Variants in FGF1 observed in about 807,000 individuals in gnomAD.
The protein encoded by FGF1 is beta-endothelial cell growth factor.
In FGF1, 9 loss-of-function variants were observed where a neutral mutation model predicts 13.4. That is an observed-to-expected ratio of 0.67 (90% CI 0.40 to 1.17). The LOEUF (loss-of-function observed/expected upper bound fraction) is 1.17, where lower values mean the gene tolerates loss of function less well. FGF1 is among the 50% of genes most tolerant of loss of function. The pLI, the probability that FGF1 is intolerant of heterozygous loss-of-function variation, is 0.01. For missense variants in FGF1, 156 were observed against 192.7 expected (o/e 0.81, Z 1.13); for synonymous variants, 93 against 79.0 (o/e 1.18, Z -0.94).
chr5:142,647,400 A>G (rs1393681743), intron 1 of FGF1, among the ~76,000 whole-genome samples: 2 of 152,138 alleles, frequency 1.3e-5, no homozygotes, highest in Non-Finnish European at 2.9e-5. Context: ...CCTTCTGTTG[A>G]GCTGCTATAT....
chr5:142,623,068 A>G (rs777676789), intron 1 of FGF1, among the ~76,000 whole-genome samples: 19 of 152,262 alleles, frequency 1.2e-4, no homozygotes, highest in Non-Finnish European at 1.6e-4. Flanking sequence ...GAGTATTTAT[A>G]TCATAGAAAT....
intron 2 of FGF1, among the ~76,000 whole-genome samples, chr5:142,605,629 C>T (rs994668553): frequency 5.9e-5 from 9 of 152,104 alleles, no homozygotes; most frequent in East Asian, 5.8e-4. Flanking sequence ...CCATGAGTCC[C>T]GACACCAGGT....
In FGF1 at chr5:142,594,861, G is replaced by A. The variant is rs1350673168; in HGVS notation, c.*429C>T. The A allele has an allele frequency of 6.5e-6, 1 of 154,582 alleles. No homozygotes were observed. The highest frequency in any genetic ancestry group is 1.4e-5 in the Non-Finnish European group (1 of 69,830). The allele number at this position is 154,582 out of a possible 1,614,324, so 9.6% of individuals were successfully genotyped here. ...TGAAGCTTCTTTGCTAATATTTGCA[G>A]GGCACAGGAAGGACAAAAGGGAGCC... On this transcript the variant is annotated 3_prime_UTR_variant, in exon 4 of 4. Transcript: ENST00000337706.
intron 1 of FGF1, among the ~76,000 whole-genome samples, chr5:142,632,249 A>G (rs1300891240): frequency 2.0e-5 from 3 of 152,214 alleles, no homozygotes; most frequent in Non-Finnish European, 4.4e-5. Flanking sequence ...AAGAGAGAAG[A>G]GCAGTTCTTC....
intron 1 of FGF1, among the ~76,000 whole-genome samples, chr5:142,663,054 G>A (rs1011363305): frequency 6.6e-6 from 1 of 152,012 alleles, no homozygotes; most frequent in East Asian, 1.9e-4. Context: ...GAACTCCTGG[G>A]CTTAAACAAT....
At chr5:142,599,008 T>C (rs373591435) in intron 3 of FGF1, among the ~76,000 whole-genome samples, 12 of 152,216 alleles carry the variant, frequency 7.9e-5, no homozygotes, top group East Asian at 3.9e-4. Flanking sequence ...CAGCCACCAC[T>C]GGTCTGTGAC....
chr5:142,694,530 C>T (rs1916999), intron 2 of FGF1, among the ~76,000 whole-genome samples: 69,769 of 152,028 alleles, frequency 0.46, 19,939 homozygotes, highest in African/African-American at 0.82. Context: ...TGTGGGGGCA[C>T]AGATGGTACA....
At chr5:142,667,551 A>T (rs914058601) in intron 1 of FGF1, among the ~76,000 whole-genome samples, 1 of 148,824 alleles carries the variant, frequency 6.7e-6, no homozygotes, top group East Asian at 2.0e-4. Context: ...GGGCCACTGC[A>T]CTCCAGCCTG....
intron 1 of FGF1, among the ~76,000 whole-genome samples, chr5:142,655,102 G>C (rs945359557): frequency 6.6e-6 from 1 of 152,196 alleles, no homozygotes; most frequent in Non-Finnish European, 1.5e-5. Flanking sequence ...AGGACCGAAT[G>C]GTGCCTTTCA....
upstream of FGF1, among the ~76,000 whole-genome samples, chr5:142,686,669 G>A (rs9324894): frequency 0.076 from 11,517 of 151,976 alleles, 767 homozygotes; most frequent in African/African-American, 0.17. Flanking sequence ...GTGTGGCAAC[G>A]TGTATGTGTG....
At chr5:142,648,096 A>T (rs1052880109) in intron 1 of FGF1, among the ~76,000 whole-genome samples, 1 of 152,154 alleles carries the variant, frequency 6.6e-6, no homozygotes, top group Admixed American at 6.5e-5. Flanking sequence ...AAACAACAAC[A>T]ACAACAACAA....
chr5:142,617,324 C>A (rs915847093), intron 1 of FGF1, among the ~76,000 whole-genome samples: 1 of 151,910 alleles, frequency 6.6e-6, no homozygotes, highest in Non-Finnish European at 1.5e-5. Flanking sequence ...AAGATTGCGC[C>A]GTTGCACCCC....
At chr5:142,632,945 G>A (rs1003288080) in intron 1 of FGF1, among the ~76,000 whole-genome samples, 8 of 148,972 alleles carry the variant, frequency 5.4e-5, no homozygotes, top group African/African-American at 2.0e-4. Context: ...TTTTTAGACG[G>A]AGTCTTGCTG....
At chr5:142,661,848 A>G (rs952246405) in intron 1 of FGF1, among the ~76,000 whole-genome samples, 10 of 152,072 alleles carry the variant, frequency 6.6e-5, no homozygotes, top group African/African-American at 2.4e-4. Flanking sequence ...CTAAAAATAC[A>G]AAAAATTAGC....
At chr5:142,634,557 T>C (rs1011338681) in intron 1 of FGF1, among the ~76,000 whole-genome samples, 1 of 152,246 alleles carries the variant, frequency 6.6e-6, no homozygotes, top group African/African-American at 2.4e-5. Flanking sequence ...GGCCAGTTGC[T>C]AGCCGCTCTG....
chr5:142,680,064 C>T (rs185971761), intron 1 of FGF1: 3 of 152,316 alleles, frequency 2.0e-5, no homozygotes, highest in Non-Finnish European at 4.4e-5. Flanking sequence ...ACTTTGTCTT[C>T]TCTCTATGCA....
At chr5:142,601,105 CCTTT>C (rs755617791) in intron 2 of FGF1, 6 of 553,322 alleles carry the variant, frequency 1.1e-5, no homozygotes, top group Non-Finnish European at 2.1e-5. Flanking sequence ...GTGCCTCGCT[CCTTT>C]CTTTCTGTCA....
At chr5:142,665,596 C>G (rs1770156372) in intron 1 of FGF1, among the ~76,000 whole-genome samples, 1 of 152,160 alleles carries the variant, frequency 6.6e-6, no homozygotes, top group African/African-American at 2.4e-5. Flanking sequence ...CCGGAATTCC[C>G]TCAACACTCA....
chr5:142,692,685 GCACACACACACACACACGCACAGA>G (rs1752423101), intron 2 of FGF1, among the ~76,000 whole-genome samples: 2 of 145,150 alleles, frequency 1.4e-5, no homozygotes, highest in South Asian at 4.4e-4. Flanking sequence ...ACGCACACAC[GCACACACACACACACACGCACAGA>G]CACACACACA....
Sources: allele counts gnomAD v4.1 joint callset (sites outside exome capture counted in the v4.1 genomes callset), GRCh38; gene constraint gnomAD v4.1.1; transcripts MANE v1.5; gene names NCBI Gene and HGNC (gene_info 2026-07-23, HGNC 2026-07-21).